The following CHN1 variants were observed in gnomAD, a reference collection of about 807,000 sequenced individuals.
CHN1 encodes N-chimaerin.
A neutral mutation model predicts 59.5 loss-of-function variants in CHN1; 37 were observed. The ratio of observed to expected loss-of-function variants is 0.62; its 90% CI spans 0.48 to 0.82. The LOEUF is 0.82. Ranked by LOEUF, CHN1 falls within the 40% of genes least tolerant of loss-of-function variation. The probability of loss-of-function intolerance (pLI) is 0.00; values close to 1 mark genes in which losing one functional copy is unlikely to be tolerated. For synonymous variants in CHN1, 206 were observed against 200.4 expected, an observed-to-expected ratio of 1.03 and a Z score of -0.24; for missense variants, 469 against 571.0, an observed-to-expected ratio of 0.82 and a Z score of 1.82.
intron 3 of CHN1, among the ~76,000 whole-genome samples, chr2:174,938,425 G>T (rs1284126227): frequency 2.6e-5 from 4 of 151,986 alleles, no homozygotes; most frequent in Non-Finnish European, 4.4e-5. Flanking sequence ...TAGCATTAGT[G>T]GCTTATAAAT....
intron 10 of CHN1, among the ~76,000 whole-genome samples, chr2:174,809,385 T>A (rs908142832): frequency 6.6e-6 from 1 of 152,164 alleles, no homozygotes; most frequent in Non-Finnish European, 1.5e-5. Flanking sequence ...TGGTTAACCA[T>A]CATATCTAAA....
Position 174,961,783 on chromosome 2 carries a change from T to C in CHN1, c.20-9581A>G, listed in dbSNP as rs553256621. On this transcript the variant is annotated intron_variant, in intron 1 of 12. Coordinates refer to ENST00000409900, the MANE Select transcript of CHN1 (RefSeq NM_001822.7). ...ATTCTCATATCTACATCTGTTGTTA[T>C]ACCACATGCCATGTAGCTTCTAGAA... Among the ~76,000 whole-genome samples the C allele has an allele frequency of 4.4e-3, 675 of 152,260 alleles. 2 individuals are homozygous for C. Among genetic ancestry groups the C allele is most frequent in the Non-Finnish European group, 6.8e-3 (462 of 68,008 alleles).
chr2:174,844,272 A>C (rs1686423773), intron 7 of CHN1, among the ~76,000 whole-genome samples: 1 of 151,806 alleles, frequency 6.6e-6, no homozygotes, highest in Admixed American at 6.6e-5. Context: ...TACTAAAAAA[A>C]CCCCAAACCC....
At chr2:174,871,942 A>T (rs554289010) in intron 6 of CHN1, among the ~76,000 whole-genome samples, 10 of 152,298 alleles carry the variant, frequency 6.6e-5, no homozygotes, top group Admixed American at 2.0e-4. Context: ...AGGAGACTGA[A>T]GAAGAAATGG....
chr2:174,846,343 G>A (rs2105434988), intron 7 of CHN1: 1 of 1,549,320 alleles, frequency 6.5e-7, no homozygotes, highest in Non-Finnish European at 8.7e-7. Flanking sequence ...CAAAAAGTGA[G>A]GAGAAGCTGC....
rs1288930096 is a variant in CHN1, at chr2:174,847,002, A to T, written c.550-45T>A. 3.2e-6 allele frequency: 5 copies of T among 1,551,660 alleles called. No individual in the cohort carries two copies. The East Asian group carries it at 1.2e-4, about 38-fold the overall frequency. Reference sequence around the variant, plus strand: ...TTCAGAGGTTGCCAGATTGTCACAGACGACTTTGGAGAACCCAGTTTCATT... The same window carrying T: ...TTCAGAGGTTGCCAGATTGTCACAGTCGACTTTGGAGAACCCAGTTTCATT... On this transcript the variant is annotated intron_variant, in intron 6 of 12. Coordinates refer to ENST00000409900, the MANE Select transcript of CHN1 (RefSeq NM_001822.7).
intron 5 of CHN1, among the ~76,000 whole-genome samples, chr2:174,893,653 A>T (rs986405186): frequency 2.0e-5 from 3 of 152,174 alleles, no homozygotes; most frequent in Non-Finnish European, 4.4e-5. Context: ...ATGAAATCTC[A>T]AAAGACCACA....
At chr2:174,908,252 C>T (rs1688596273) in intron 5 of CHN1, among the ~76,000 whole-genome samples, 2 of 152,298 alleles carry the variant, frequency 1.3e-5, no homozygotes, top group South Asian at 4.1e-4. Flanking sequence ...TGTAAGGATA[C>T]AGAAGCCCTT....
At chr2:174,818,905 G>A (rs1685374915) in intron 8 of CHN1, among the ~76,000 whole-genome samples, 1 of 151,498 alleles carries the variant, frequency 6.6e-6, no homozygotes, top group South Asian at 2.1e-4. Flanking sequence ...CTATTGACAG[G>A]ATTAAAGGAT....
rs1574159425 is a variant in CHN1, at chr2:174,915,139, T to C, written c.179A>G (p.Asp60Gly). 1 of 1,611,784 alleles carries C rather than the reference T, an allele frequency of 6.2e-7. No homozygotes were observed. The highest frequency in any genetic ancestry group is 1.1e-5 in the South Asian group (1 of 90,200). ...FHGMISREAA[D>G]QLLIVAEGSY... The stretch of plus-strand genomic sequence containing the variant: ...CCCCTCAGCCACAATCAAGAGCTGG[T>C]CGGCTGCTTCTCTGGAGATCATGCC... The change falls in exon 5 of 13, where the codon GAC (aspartate) becomes GGC (glycine). Residue 60 changes from aspartate to glycine, a missense_variant. Transcript: ENST00000409900.
chr2:174,845,329 G>A (rs577017074), intron 7 of CHN1, among the ~76,000 whole-genome samples: 82 of 152,086 alleles, frequency 5.4e-4, no homozygotes, highest in African/African-American at 1.8e-3. Flanking sequence ...CTCTTTATTA[G>A]TAACCCAAAG....
At chr2:174,891,270 T>C (rs545131150) in intron 5 of CHN1, among the ~76,000 whole-genome samples, 4 of 149,324 alleles carry the variant, frequency 2.7e-5, no homozygotes, top group Admixed American at 2.7e-4. Context: ...CTAGAAAATA[T>C]CTTGAGACAA....
intron 1 of CHN1, among the ~76,000 whole-genome samples, chr2:174,976,785 C>A (rs1342832318): frequency 6.6e-6 from 1 of 152,074 alleles, no homozygotes; most frequent in Non-Finnish European, 1.5e-5. Flanking sequence ...TTAAACTGAT[C>A]AATCCAATAA....
intron 6 of CHN1, among the ~76,000 whole-genome samples, chr2:174,849,844 G>A (rs1281467662): frequency 3.3e-5 from 5 of 152,156 alleles, no homozygotes; most frequent in African/African-American, 1.2e-4. Flanking sequence ...GTAGGTGGGG[G>A]GGCTGGGCTC....
intron 1 of CHN1, among the ~76,000 whole-genome samples, chr2:174,990,233 C>CTG (rs954929353): frequency 0.045 from 5,249 of 115,918 alleles, 205 homozygotes; most frequent in East Asian, 0.096. Context: ...TGTGGTGTGT[C>CTG]TGTGTGTGTG....
intron 8 of CHN1, among the ~76,000 whole-genome samples, chr2:174,819,127 A>G (rs907668678): frequency 6.6e-6 from 1 of 152,216 alleles, no homozygotes; most frequent in Non-Finnish European, 1.5e-5. Context: ...TATTGATGAA[A>G]ATATTGTTTC....
chr2:174,934,400 G>A (rs1456068605), intron 3 of CHN1, among the ~76,000 whole-genome samples: 1 of 152,182 alleles, frequency 6.6e-6, no homozygotes, highest in African/African-American at 2.4e-5. Flanking sequence ...AGGAGGCAGA[G>A]CTCAGGCAGT....
intron 6 of CHN1, among the ~76,000 whole-genome samples, chr2:174,873,132 T>G (rs954170553): frequency 6.6e-6 from 1 of 152,140 alleles, no homozygotes; most frequent in Non-Finnish European, 1.5e-5. Context: ...ATTACTAAAC[T>G]GGCTTTTTAA....
chr2:174,972,729 G>T (rs1254231470), intron 1 of CHN1, among the ~76,000 whole-genome samples: 1 of 152,158 alleles, frequency 6.6e-6, no homozygotes, highest in Non-Finnish European at 1.5e-5. Flanking sequence ...TTGATTCAGT[G>T]CCAAGGCTAA....
Sources: gnomAD v4.1 joint callset for allele counts (sites outside exome capture counted in the v4.1 genomes callset) on GRCh38, gnomAD v4.1.1 for gene constraint, MANE v1.5 for transcripts, NCBI Gene and HGNC (gene_info 2026-07-23, HGNC 2026-07-21) for gene names.